Variants in FAM151B observed in about 807,000 individuals in gnomAD.
The protein encoded by FAM151B is family with sequence similarity 151 member B.
FAM151B carries 24 observed loss-of-function variants against 31.2 expected under a neutral mutation model. The ratio of observed to expected loss-of-function variants is 0.77; its 90% CI spans 0.56 to 1.08. The LOEUF is 1.08. Ranked by LOEUF, FAM151B falls within the 50% of genes least tolerant of loss-of-function variation. The probability of loss-of-function intolerance (pLI) is 0.00; values close to 1 mark genes in which losing one functional copy is unlikely to be tolerated. For missense variants in FAM151B, 293 were observed against 328.6 expected (o/e 0.89, Z 0.84); for synonymous variants, 105 against 111.4 (o/e 0.94, Z 0.36).
At chr5:80,530,151 T>C (rs140899195) in intron 5 of FAM151B, among the ~76,000 whole-genome samples, 1,718 of 152,282 alleles carry the variant, frequency 0.011, 24 homozygotes, top group African/African-American at 0.039. Flanking sequence ...ATTATCTCAA[T>C]AGATTCAGAA....
chr5:80,539,038 A>G (rs1279895680), intron 5 of FAM151B, among the ~76,000 whole-genome samples: 2 of 130,980 alleles, frequency 1.5e-5, no homozygotes, highest in African/African-American at 5.8e-5. Flanking sequence ...GCTCTTTCTG[A>G]AGTAAACTTT....
intron 5 of FAM151B, among the ~76,000 whole-genome samples, chr5:80,526,430 G>A: frequency 7.0e-6 from 1 of 141,884 alleles, no homozygotes; most frequent in Non-Finnish European, 1.5e-5. Context: ...CCAACATGGT[G>A]AAACACCATC....
intron 2 of FAM151B, among the ~76,000 whole-genome samples, chr5:80,508,445 C>CT (rs1207070664): frequency 2.7e-3 from 400 of 147,038 alleles, no homozygotes; most frequent in African/African-American, 7.4e-3. Flanking sequence ...TGTTATTGTA[C>CT]TTTTTTTTTT....
rs372656137 is a variant in FAM151B, at chr5:80,535,768, C to T, written c.672-5905C>T. ...CACATCAAGTCATAAAGCTTCTGTA[C>T]AGCAAAGGAAATGGTCAACAAAGTG... On this transcript the variant is annotated intron_variant, in intron 5 of 5. Coordinates refer to ENST00000282226, the MANE Select transcript of FAM151B (RefSeq NM_205548.3). Among the ~76,000 whole-genome samples, 55 of 152,240 alleles carry T rather than the reference C, an allele frequency of 3.6e-4. 1 individual carries two copies. The East Asian group carries it at 7.7e-3, about 21-fold the overall frequency.
At chr5:80,538,072 A>G (rs1745602809) in intron 5 of FAM151B, among the ~76,000 whole-genome samples, 1 of 89,360 alleles carries the variant, frequency 1.1e-5, no homozygotes, top group Non-Finnish European at 2.3e-5. Flanking sequence ...TTATTTTATT[A>G]ATTTTTTTTT....
intron 5 of FAM151B, among the ~76,000 whole-genome samples, chr5:80,528,489 T>C (rs1478042829): frequency 6.6e-6 from 1 of 151,856 alleles, no homozygotes; most frequent in Non-Finnish European, 1.5e-5. Context: ...ACTTCACCTA[T>C]GAAGACACAC....
rs1352045685 is a variant in FAM151B at position 80,519,712 on chromosome 5, T to C, written c.337T>C (p.Ser113Pro). ...TTTTAGTCTGGCAGTTGTAGAACCATCCATGATGCTCTTGGAAAATGTGAA... is the reference window on the plus strand; with the variant it reads ...TTTTAGTCTGGCAGTTGTAGAACCACCCATGATGCTCTTGGAAAATGTGAA... Reference protein sequence around the residue: ...DFKSLAVVEPSMMLLENVKRH... With the variant: ...DFKSLAVVEPPMMLLENVKRH... The change falls in exon 4 of 6, where the codon TCC becomes CCC. Residue 113 changes from serine (S) to proline (P), a missense_variant. Transcript: ENST00000282226. 2.7e-5 allele frequency: 44 copies of C among 1,614,006 alleles called. No homozygotes were observed. The highest frequency in any genetic ancestry group is 3.7e-5 in the Non-Finnish European group (44 of 1,179,986).
At chr5:80,514,938 A>C (rs1744351647) in intron 3 of FAM151B, among the ~76,000 whole-genome samples, 1 of 152,136 alleles carries the variant, frequency 6.6e-6, no homozygotes, top group Non-Finnish European at 1.5e-5. Context: ...AACTATCTTA[A>C]GATCATAAAC....
chr5:80,510,248 G>T (rs1744131570), intron 2 of FAM151B, among the ~76,000 whole-genome samples: 1 of 152,118 alleles, frequency 6.6e-6, no homozygotes, highest in African/African-American at 2.4e-5. Context: ...GCCCAGCTGG[G>T]CCTGGAAATT....
chr5:80,526,041 T>C (rs1342085332), intron 5 of FAM151B, among the ~76,000 whole-genome samples: 1 of 152,050 alleles, frequency 6.6e-6, no homozygotes, highest in African/African-American at 2.4e-5. Context: ...TCAGTATACG[T>C]GGAGGATGGG....
Position 80,522,002 on chromosome 5 carries a change from GGGTACAGTT to G in FAM151B, c.538_546del (p.Tyr180_Trp182del). ...GTTAAATTTTTTTCTTTTCTTTTAA[GGGTACAGTT>G]GGACAATGGTGAAAGAGATGGAATA... On this transcript the variant is annotated inframe_deletion and splice_region_variant, in exon 5 of 6. Transcript: ENST00000282226. 1 of 1,551,984 alleles carries G rather than the reference GGGTACAGTT, an allele frequency of 6.4e-7. No individual in the cohort carries two copies. The highest frequency in any genetic ancestry group is 8.8e-7 in the Non-Finnish European group (1 of 1,138,248).
chr5:80,519,577 C>A, intron 3 of FAM151B, 116 bp from the exon 4 acceptor site: 1 of 826,644 alleles, frequency 1.2e-6, no homozygotes, highest in Non-Finnish European at 1.9e-6. Context: ...TTATTTAACC[C>A]AGACATTATT....
intron 2 of FAM151B, among the ~76,000 whole-genome samples, chr5:80,512,811 G>A (rs1744243662): frequency 6.6e-6 from 1 of 150,386 alleles, no homozygotes; most frequent in Non-Finnish European, 1.5e-5. Flanking sequence ...TTAAAAAAAT[G>A]TAAGTAAATG....
At chr5:80,530,725 C>G (rs897420382) in intron 5 of FAM151B, among the ~76,000 whole-genome samples, 12 of 151,888 alleles carry the variant, frequency 7.9e-5, no homozygotes, top group African/African-American at 7.3e-5. Flanking sequence ...CACTGCTCAA[C>G]GAAATAAAAG....
At chr5:80,533,620 C>T (rs1055489752) in intron 5 of FAM151B, among the ~76,000 whole-genome samples, 22 of 149,994 alleles carry the variant, frequency 1.5e-4, no homozygotes, top group Admixed American at 2.7e-4. Flanking sequence ...TGTGGTGGCA[C>T]GCACCTGTAA....
In FAM151B at chr5:80,488,107, C is replaced by T; in HGVS notation, c.-17C>T. 1 of 1,539,988 alleles carries T rather than the reference C, an allele frequency of 6.5e-7. No individual in the cohort carries two copies. The highest frequency in any genetic ancestry group is 8.7e-7 in the Non-Finnish European group (1 of 1,146,598). On this transcript the variant is annotated 5_prime_UTR_variant, in exon 1 of 6. In the 5' UTR this introduces an upstream ATG that the reference lacks. Coordinates refer to ENST00000282226, the MANE Select transcript of FAM151B (RefSeq NM_205548.3). The stretch of plus-strand genomic sequence containing the variant: ...GCGCCAGCCTGGGCGCCTGCGCGGA[C>T]GGCGGGCGTCGTCACCATGGCAGCA...
At chr5:80,496,127 GT>G (rs928404971) in intron 1 of FAM151B, among the ~76,000 whole-genome samples, 3 of 152,166 alleles carry the variant, frequency 2.0e-5, no homozygotes, top group African/African-American at 7.2e-5. Flanking sequence ...TCTCCTGTGG[GT>G]AAAATGCTAT....
chr5:80,501,401 A>C, intron 1 of FAM151B: 2 of 819,784 alleles, frequency 2.4e-6, no homozygotes, highest in Non-Finnish European at 3.8e-6. Context: ...AGAATGAAAT[A>C]AGATGTCTAC....
intron 2 of FAM151B, among the ~76,000 whole-genome samples, chr5:80,508,712 A>G (rs1339484739): frequency 6.6e-6 from 1 of 152,106 alleles, no homozygotes; most frequent in Non-Finnish European, 1.5e-5. Context: ...TGGGCTTTTA[A>G]TATATTAAAT....
Sources: gnomAD v4.1 joint callset for allele counts (sites outside exome capture counted in the v4.1 genomes callset) on GRCh38, gnomAD v4.1.1 for gene constraint, MANE v1.5 for transcripts, NCBI Gene and HGNC (gene_info 2026-07-23, HGNC 2026-07-21) for gene names.